FAXC: variants seen among roughly 807,000 people sequenced by gnomAD.
The protein encoded by FAXC is failed axon connections homolog.
In FAXC, 10 loss-of-function variants were observed where a neutral mutation model predicts 41.9. The ratio of observed to expected loss-of-function variants is 0.24; its 90% confidence interval spans 0.15 to 0.41. The LOEUF is 0.41. Ranked by LOEUF, FAXC falls within the 10% of genes least tolerant of loss-of-function variation. The probability of loss-of-function intolerance (pLI) is 1.00; values close to 1 mark genes in which losing one functional copy is unlikely to be tolerated. For synonymous variants in FAXC, 183 were observed against 183.8 expected (o/e 1.00, Z 0.03); for missense variants, 399 against 510.9 (o/e 0.78, Z 2.11).
At chr6:99,342,870 A>G (rs1282727603) in intron 2 of FAXC, 28 bp downstream of exon 2, 1 of 1,572,630 alleles carries the variant, frequency 6.4e-7, no homozygotes, top group Non-Finnish European at 8.6e-7. Flanking sequence ...TGATGTCATA[A>G]AAAGAAAACA....
At position 99,323,610 on chromosome 6, in the gene FAXC, A is replaced by C; in HGVS notation, c.657T>G (p.Ser219=). ...DNLNETRKML[S]LSGGGPFSNL... is the part of the protein sequence containing the mutation. ...TGCTGAAGGGACCACCACCACTAAG[A>C]GAGAGCATCTTCCGGGTCTCATTGA... The change falls in exon 4 of 6, where the codon TCT becomes TCG. Residue 219 remains serine (S), a synonymous_variant. Coordinates refer to ENST00000389677, the MANE Select transcript of FAXC (RefSeq NM_032511.4). 3.1e-6 allele frequency: 5 copies of C among 1,614,224 alleles called. No homozygotes were observed. The highest frequency in any genetic ancestry group is 4.2e-6 in the Non-Finnish European group (5 of 1,180,044).
At chr6:99,340,872 T>G (rs867561904) in intron 2 of FAXC, among the ~76,000 whole-genome samples, 12 of 152,052 alleles carry the variant, frequency 7.9e-5, no homozygotes, top group African/African-American at 1.9e-4. Context: ...TTTCGCCATG[T>G]TGGTCAGGCT....
chr6:99,343,107 AC>A, intron 1 of FAXC, 74 bp from the exon 2 acceptor site: 1 of 1,392,294 alleles, frequency 7.2e-7, no homozygotes, highest in Non-Finnish European at 9.7e-7. Flanking sequence ...TCTTGAGAGG[AC>A]CCTGCAGGGT....
chr6:99,299,820 C>T (rs1771635397), intron 4 of FAXC, among the ~76,000 whole-genome samples: 1 of 152,162 alleles, frequency 6.6e-6, no homozygotes, highest in Non-Finnish European at 1.5e-5. Flanking sequence ...AGACAAGCCA[C>T]TTCCTTCACA....
rs201302220 is a variant in FAXC at position 99,333,556 on chromosome 6, A to C, written c.403-9T>G. 3.2e-5 allele frequency: 50 copies of C among 1,575,700 alleles called. No individual in the cohort carries two copies. The highest frequency in any genetic ancestry group is 4.2e-5 in the Non-Finnish European group (49 of 1,165,160). On this transcript the variant is annotated splice_polypyrimidine_tract_variant and intron_variant, in intron 2 of 5. Transcript: ENST00000389677. Reference sequence around the variant, plus strand: ...TTTCCACCAAAATAGTTCTAAGCAGAGTACATTTTTAAAAAGAGAAAAGCA... The same window carrying C: ...TTTCCACCAAAATAGTTCTAAGCAGCGTACATTTTTAAAAAGAGAAAAGCA...
In FAXC at chr6:99,349,364, C is replaced by G. The variant is rs202237534; in HGVS notation, c.9G>C (p.Trp3Cys). The G allele has an allele frequency of 1.9e-6, 3 of 1,610,574 alleles. No individual in the cohort carries two copies. The highest frequency in any genetic ancestry group is 2.2e-5 in the East Asian group (1 of 44,766). MH[W>C]GVGFASSRPC... ...GCCTGGACGAAGCAAAGCCAACCCC[C>G]CAGTGCATGCTGCGCGGCTGGCTCC... The change falls in exon 1 of 6, where the codon TGG becomes TGC. Residue 3 changes from tryptophan (W) to cysteine (C), a missense_variant. By Grantham distance (215) the Trp-to-Cys change is radical. Transcript: ENST00000389677.
At chr6:99,343,445 T>C (rs1007991079) in intron 1 of FAXC, among the ~76,000 whole-genome samples, 1 of 152,196 alleles carries the variant, frequency 6.6e-6, no homozygotes, top group Admixed American at 6.5e-5. Context: ...GTGTCACACA[T>C]TGTTCTGAGG....
chr6:99,324,984 C>T (rs1772739306), intron 3 of FAXC, among the ~76,000 whole-genome samples: 1 of 151,986 alleles, frequency 6.6e-6, no homozygotes, highest in African/African-American at 2.4e-5. Flanking sequence ...GAGTTTGAGG[C>T]CAACCTGGGC....
rs564862268 is a variant in FAXC, at chr6:99,292,512, T to C, written c.824-692A>G. On this transcript the variant is annotated intron_variant, in intron 4 of 5. Transcript: ENST00000389677. ...TCACCGGACTATCACACTCAACCTA[T>C]TAAAACTGACCCAAGTCATCTCCCA... Among the ~76,000 whole-genome samples, 7 of 152,302 alleles carry C rather than the reference T, an allele frequency of 4.6e-5. No individual in the cohort carries two copies. The South Asian group carries it at 1.2e-3, about 27-fold the overall frequency.
intron 4 of FAXC, among the ~76,000 whole-genome samples, chr6:99,316,441 T>C (rs1772358699): frequency 6.6e-6 from 1 of 151,220 alleles, no homozygotes; most frequent in African/African-American, 2.5e-5. Context: ...CTGAGCTCAC[T>C]GAAGCCAGTT....
chr6:99,294,371 C>T (rs866653050), intron 4 of FAXC, among the ~76,000 whole-genome samples: 1 of 152,212 alleles, frequency 6.6e-6, no homozygotes, highest in African/African-American at 2.4e-5. Flanking sequence ...GGAAACTGCA[C>T]AGGAGCTCTC....
chr6:99,278,531 A>G lies in FAXC; in HGVS notation c.*2633T>C, dbSNP rs1176039223. The G allele has an allele frequency of 6.6e-6, 1 of 152,246 alleles. No individual in the cohort carries two copies. The highest frequency in any genetic ancestry group is 1.5e-5 in the Non-Finnish European group (1 of 68,044). The allele number at this position is 152,246 out of a possible 1,614,324, so 9.4% of individuals were successfully genotyped here. A position where few individuals can be genotyped will look rare whatever the true frequency, so the allele number is the denominator to read the frequency against. On this transcript the variant is annotated 3_prime_UTR_variant, in exon 6 of 6. Transcript: ENST00000389677. ...TTTTTCCTATAATTAGCACCTGTTC[A>G]TGAAATTGGAGAACATTTCAAATCT...
intron 3 of FAXC, among the ~76,000 whole-genome samples, chr6:99,326,759 C>A (rs775771442): frequency 6.6e-6 from 1 of 152,138 alleles, no homozygotes; most frequent in Admixed American, 6.6e-5. Flanking sequence ...TCTTTCTCTG[C>A]GCTTCAGAAA....
chr6:99,328,009 C>T (rs1772878926), intron 3 of FAXC, among the ~76,000 whole-genome samples: 1 of 152,224 alleles, frequency 6.6e-6, no homozygotes, highest in African/African-American at 2.4e-5. Context: ...TAAACACAAA[C>T]CTAATCATAA....
intron 3 of FAXC, among the ~76,000 whole-genome samples, chr6:99,324,671 T>C (rs1364058513): frequency 6.6e-6 from 1 of 152,238 alleles, no homozygotes. Flanking sequence ...AGGTCTTTGC[T>C]GATTTTATTC....
At chr6:99,290,577 C>A (rs1299360671) in intron 5 of FAXC, among the ~76,000 whole-genome samples, 1 of 151,592 alleles carries the variant, frequency 6.6e-6, no homozygotes, top group Non-Finnish European at 1.5e-5. Flanking sequence ...TGTTGCACTC[C>A]TGTAATCCCA....
At chr6:99,323,374 C>A in intron 4 of FAXC, 70 bp downstream of exon 4, 1 of 1,344,766 alleles carries the variant, frequency 7.4e-7, no homozygotes, top group Non-Finnish European at 1.0e-6. Context: ...ATTAGTGAAC[C>A]AACAGTGTTT....
intron 3 of FAXC, among the ~76,000 whole-genome samples, chr6:99,333,058 C>G (rs141221429): frequency 9.2e-5 from 14 of 152,298 alleles, no homozygotes; most frequent in Admixed American, 2.0e-4. Context: ...TTGGCATACT[C>G]TCTTATCACT....
At chr6:99,286,328 T>C (rs941132523) in intron 5 of FAXC, among the ~76,000 whole-genome samples, 1 of 152,112 alleles carries the variant, frequency 6.6e-6, no homozygotes, top group Non-Finnish European at 1.5e-5. Context: ...CAGGCCAAGG[T>C]AATTCGTTCC....
Sources: gnomAD v4.1 joint callset for allele counts (sites outside exome capture counted in the v4.1 genomes callset) on GRCh38, gnomAD v4.1.1 for gene constraint, MANE v1.5 for transcripts, NCBI Gene and HGNC (gene_info 2026-07-23, HGNC 2026-07-21) for gene names.